GRK6: variants seen among roughly 807,000 people sequenced by gnomAD.
The protein encoded by GRK6 is G protein-coupled receptor kinase 6.
Under a neutral mutation model 80.8 loss-of-function variants are expected in GRK6, and 37 were observed. The ratio of observed to expected loss-of-function variants is 0.46; its 90% CI spans 0.35 to 0.60. GRK6 has a LOEUF of 0.60. Ranked by LOEUF, GRK6 falls within the 20% of genes least tolerant of loss-of-function variation. The probability of loss-of-function intolerance (pLI) is 0.00; values close to 1 mark genes in which losing one functional copy is unlikely to be tolerated. For synonymous variants in GRK6, 295 were observed against 320.9 expected (o/e 0.92, Z 0.86); for missense variants, 560 against 784.6 (o/e 0.71, Z 3.42).
At position 177,440,852 on chromosome 5, in the gene GRK6, T is replaced by G. The variant is rs769863452; in HGVS notation, c.1542+15T>G. 33 of 1,613,708 alleles carry G rather than the reference T, an allele frequency of 2.0e-5. No homozygotes were observed. Among genetic ancestry groups the G allele is most frequent in the Non-Finnish European group, 2.5e-6 (3 of 1,179,874 alleles). ...GGCAGAACGAGGTGGGGGCCTGCCCTGCTGGTGGGGTGGGCTCCAGGAGGC... is the reference window on the plus strand; with the variant it reads ...GGCAGAACGAGGTGGGGGCCTGCCCGGCTGGTGGGGTGGGCTCCAGGAGGC... On this transcript the variant is annotated intron_variant, in intron 14 of 15. Transcript: ENST00000355472.
intron 13 of GRK6, among the ~76,000 whole-genome samples, chr5:177,436,868 G>C (rs993979363): frequency 6.6e-6 from 1 of 152,140 alleles, no homozygotes; most frequent in Admixed American, 6.5e-5. Context: ...AGTAGACAGA[G>C]AGCTTCTCTT....
At position 177,440,855 on chromosome 5, in the gene GRK6, T is replaced by TGGTGG; in HGVS notation, c.1542+25_1542+29dup. 1 of 1,613,800 alleles carries TGGTGG rather than the reference T, an allele frequency of 6.2e-7. No homozygotes were observed. Among genetic ancestry groups the TGGTGG allele is most frequent in the Non-Finnish European group, 8.5e-7 (1 of 1,179,888 alleles). On this transcript the variant is annotated intron_variant, in intron 14 of 15. Transcript: ENST00000355472. ...AGAACGAGGTGGGGGCCTGCCCTGC[T>TGGTGG]GGTGGGGTGGGCTCCAGGAGGCTGC...
At chr5:177,440,622 G>A (rs1440234441) in intron 13 of GRK6, 78 bp from the exon 14 acceptor site, 17 of 1,559,846 alleles carry the variant, frequency 1.1e-5, no homozygotes, top group Admixed American at 3.4e-5. Flanking sequence ...GCCAAGACCC[G>A]AGGCAGAATC....
At chr5:177,427,444 C>T (rs1763719565) in intron 1 of GRK6, among the ~76,000 whole-genome samples, 2 of 152,198 alleles carry the variant, frequency 1.3e-5, no homozygotes, top group Admixed American at 1.3e-4. Context: ...TGGATATTTG[C>T]CCTCAGGGAG....
chr5:177,433,979 G>C lies in GRK6; in HGVS notation c.804G>C (p.Gly268=). Residue 268 remains glycine, a synonymous_variant, in exon 9 of 16, where the codon GGG becomes GGC. Coordinates refer to ENST00000355472, the MANE Select transcript of GRK6 (RefSeq NM_001004106.3). ...ALCLVLTLMN[G]GDLKFHIYHM... ...GCCTGGTGCTGACACTGATGAACGG[G>C]GGCGACCTCAAGTTCCACATCTACC... 1 of 1,612,706 alleles carries C rather than the reference G, an allele frequency of 6.2e-7. No individual in the cohort carries two copies. The highest frequency in any genetic ancestry group is 8.5e-7 in the Non-Finnish European group (1 of 1,179,298).
chr5:177,435,971 G>T, intron 11 of GRK6, 102 bp from the exon 12 acceptor site: 1 of 969,406 alleles, frequency 1.0e-6, no homozygotes, highest in Non-Finnish European at 1.6e-6. Flanking sequence ...CTGGCCAGCG[G>T]GTGTGAGTGT....
intron 10 of GRK6, 24 bp from the exon 11 acceptor site, chr5:177,435,008 A>G: frequency 5.0e-6 from 8 of 1,613,238 alleles, no homozygotes; most frequent in Non-Finnish European, 6.8e-6. Context: ...TAACGGGTCC[A>G]CCTGTTTCTC....
At chr5:177,435,987 A>T in intron 11 of GRK6, 86 bp from the exon 12 acceptor site, 1 of 1,157,190 alleles carries the variant, frequency 8.6e-7, no homozygotes, top group Non-Finnish European at 1.3e-6. Context: ...AGTGTATCCC[A>T]GACCTAACGT....
In GRK6 at chr5:177,426,699, C is replaced by CGGCCGGGGAGGCCGGGGA; in HGVS notation, c.-141_-124dup. ...GCGGAGAGTGCGCGGCTGGCTGCGG[C>CGGCCGGGGAGGCCGGGGA]GGCCGGGGAGGCCGGGGAGGCCGCG... On this transcript the variant is annotated 5_prime_UTR_variant, in exon 1 of 16. Coordinates refer to ENST00000355472, the MANE Select transcript of GRK6 (RefSeq NM_001004106.3). 4.1e-6 allele frequency: 1 copy of CGGCCGGGGAGGCCGGGGA among 243,100 alleles called. No homozygotes were observed. The highest frequency in any genetic ancestry group is 6.5e-6 in the Non-Finnish European group (1 of 153,086). 15.1% of individuals were successfully genotyped at this position (243,100 alleles called of 1,614,324 possible). A position where few individuals can be genotyped will look rare whatever the true frequency, so the allele number is the denominator to read the frequency against.
rs35270792 is a variant in GRK6, at chr5:177,433,947, G to A, written c.772G>A (p.Ala258Thr). The change falls in exon 9 of 16, where the codon GCG becomes ACG. Residue 258 changes from alanine (A) to threonine (T), a missense_variant. Ala to Thr is a moderately conservative substitution (Grantham distance 58). Around this residue, in one of 3 missense-constraint regions of GRK6, gnomAD observed 77 missense variants for 156.9 expected, o/e 0.49. Transcript: ENST00000355472. ...GGCCTACGCCTATGAGACCAAGGAC[G>A]CGCTGTGCCTGGTGCTGACACTGAT... ...SLAYAYETKDALCLVLTLMNG... is the reference protein window; with the variant it reads ...SLAYAYETKDTLCLVLTLMNG... The A allele has an allele frequency of 2.4e-3, 3,888 of 1,603,180 alleles. 11 individuals carry two copies. The highest frequency in any genetic ancestry group is 3.1e-3 in the Non-Finnish European group (3,651 of 1,173,610).
upstream of GRK6, among the ~76,000 whole-genome samples, chr5:177,426,232 A>G (rs1028562304): frequency 6.6e-6 from 1 of 152,176 alleles, no homozygotes. Context: ...TCCCCGACAA[A>G]ACCCTAGAAA....
intron 9 of GRK6, 48 bp downstream of exon 9, chr5:177,434,152 G>A (rs1345623911): frequency 1.1e-5 from 16 of 1,476,930 alleles, no homozygotes; most frequent in East Asian, 2.4e-5. Flanking sequence ...CCCTGCCAGC[G>A]ACTGCAGCTG....
At chr5:177,440,525 C>T (rs916313548) in intron 13 of GRK6, among the ~76,000 whole-genome samples, 175 bp from the exon 14 acceptor site, 1 of 152,254 alleles carries the variant, frequency 6.6e-6, no homozygotes, top group African/African-American at 2.4e-5. Context: ...AACCAGGCTT[C>T]GGAGAGAAGG....
At chr5:177,426,247 G>T (rs1048022449), upstream of GRK6, among the ~76,000 whole-genome samples, 1 of 152,202 alleles carries the variant, frequency 6.6e-6, no homozygotes, top group Non-Finnish European at 1.5e-5. Context: ...TAGAAAAGCC[G>T]TCTGCGAGCC....
rs1247817464 is a variant in GRK6, at chr5:177,433,408, G to A, written c.595G>A (p.Glu199Lys). The A allele has an allele frequency of 1.2e-6, 2 of 1,613,588 alleles. No homozygotes were observed. Among genetic ancestry groups the A allele is most frequent in the Non-Finnish European group, 1.7e-6 (2 of 1,179,674 alleles). Residue 199 changes from glutamate to lysine, a missense_variant and splice_region_variant, in exon 7 of 16, where the codon GAG becomes AAG. By Grantham distance (56) the Glu-to-Lys change is moderately conservative. This residue lies in a region of GRK6 where 77 missense variants were observed against 156.9 expected (regional missense o/e 0.49). Transcript: ENST00000355472. Reference protein sequence around the residue: ...YRVLGKGGFGEVCACQVRATG... With the variant: ...YRVLGKGGFGKVCACQVRATG... The stretch of plus-strand genomic sequence containing the variant: ...AGTCCTGGGCAAAGGTGGCTTTGGG[G>A]AGGTGAGTGGCCAGGCCAGAGCCCC...
rs1454535505 is a variant in GRK6 at position 177,426,973 on chromosome 5, C to T, written c.52+76C>T. 12 of 1,027,064 alleles carry T rather than the reference C, an allele frequency of 1.2e-5. No individual in the cohort carries two copies. In the African/African-American group the frequency reaches 2.0e-4, roughly 17 times the overall value. The allele number at this position is 1,027,064 out of a possible 1,614,324, so 63.6% of individuals were successfully genotyped here. On this transcript the variant is annotated intron_variant, in intron 1 of 15. Coordinates refer to ENST00000355472, the MANE Select transcript of GRK6 (RefSeq NM_001004106.3). ...GCTGCGTCTGAGCTCCGCAGGGCTA[C>T]CCAGCCGTCGGATCCCCTAGGCCCG...
intron 13 of GRK6, chr5:177,439,818 T>C (rs1561661040): frequency 6.6e-6 from 1 of 152,310 alleles, no homozygotes; most frequent in Admixed American, 6.5e-5. Context: ...GCATAGTATC[T>C]TCAAGGTTCA....
Position 177,433,693 on chromosome 5 carries a change from A to ACT in GRK6, c.738+21_738+22dup. The stretch of plus-strand genomic sequence containing the variant: ...AGGTTTGTAGTAAGTACAGAAGGAG[A>ACT]CTCTCCCTTCCCCTTGGCCACACTG... On this transcript the variant is annotated intron_variant, in intron 8 of 15. Coordinates refer to ENST00000355472, the MANE Select transcript of GRK6 (RefSeq NM_001004106.3). 6.2e-7 allele frequency: 1 copy of ACT among 1,609,842 alleles called. No individual in the cohort carries two copies. The highest frequency in any genetic ancestry group is 8.5e-7 in the Non-Finnish European group (1 of 1,178,034).
At chr5:177,436,596 G>C in intron 13 of GRK6, 66 bp downstream of exon 13, 1 of 1,435,956 alleles carries the variant, frequency 7.0e-7, no homozygotes, top group South Asian at 1.4e-5. Context: ...GGCTCTTGTA[G>C]TATCAGCCAG....
Sources: allele counts gnomAD v4.1 joint callset (sites outside exome capture counted in the v4.1 genomes callset), GRCh38; gene constraint gnomAD v4.1.1; regional missense constraint gnomAD v4.1.1; transcripts MANE v1.5; gene names NCBI Gene and HGNC (gene_info 2026-07-23, HGNC 2026-07-21).